Variants in BBS1 observed in about 807,000 individuals in gnomAD.
BBS1 encodes Bardet-Biedl syndrome 1, also known as BBSome complex member BBS1.
Under a neutral mutation model 73.9 loss-of-function variants are expected in BBS1, and 60 were observed. The ratio of observed to expected loss-of-function variants is 0.81; its 90% confidence interval spans 0.66 to 1.01. BBS1 has a LOEUF of 1.01. Among genes scored for constraint, BBS1 ranks in the 50% least tolerant of loss-of-function variants. The pLI is 0.00. For synonymous variants in BBS1, 283 were observed against 317.4 expected (o/e 0.89, Z 1.15); for missense variants, 718 against 770.3 (o/e 0.93, Z 0.80).
rs1337443503 is a variant in BBS1 at position 66,529,322 on chromosome 11, G to A, written c.1340-497G>A. ...TGACGGAGGCAGGACCATGAGGCTG[G>A]TTTCCGCAGCATTGAGCCTGAGGTG... is the stretch of plus-strand genomic sequence containing the variant. On this transcript the variant is annotated intron_variant, in intron 13 of 16. Coordinates refer to ENST00000318312, the MANE Select transcript of BBS1 (RefSeq NM_024649.5). 4 of 1,536,260 alleles carry A rather than the reference G, an allele frequency of 2.6e-6. No individual in the cohort carries two copies. In the South Asian group the frequency reaches 4.8e-5, roughly 18 times the overall value.
In BBS1 at chr11:66,511,343, A is replaced by G. The variant is rs1855942703; in HGVS notation, c.159+104A>G. ...AGGCCCAGCATACTCTGGAATTCAC[A>G]TATACTGTGAAAAAGCACATTTAGC... On this transcript the variant is annotated intron_variant, in intron 3 of 16. Coordinates refer to ENST00000318312, the MANE Select transcript of BBS1 (RefSeq NM_024649.5). 8 of 1,369,850 alleles carry G rather than the reference A, an allele frequency of 5.8e-6. No homozygotes were observed. In the South Asian group the frequency reaches 7.7e-5, roughly 13 times the overall value. The allele number at this position is 1,369,850 out of a possible 1,614,324, so 84.9% of individuals were successfully genotyped here. A position where few individuals can be genotyped will look rare whatever the true frequency, so the allele number is the denominator to read the frequency against.
At chr11:66,517,651 A>G (rs980979662) in intron 7 of BBS1, among the ~76,000 whole-genome samples, 1 of 151,842 alleles carries the variant, frequency 6.6e-6, no homozygotes, top group African/African-American at 2.4e-5. Context: ...TATTTTTAGT[A>G]GAGATGGTGT....
At position 66,531,979 on chromosome 11, in the gene BBS1, C is replaced by T; in HGVS notation, c.1724C>T (p.Ala575Val). Reference sequence around the variant, plus strand: ...CTGGTGCTTCGAGAAGGCCAAAGTGCACCCCTGCTGAGTGCCCACGTCAAC... The same window carrying T: ...CTGGTGCTTCGAGAAGGCCAAAGTGTACCCCTGCTGAGTGCCCACGTCAAC... Reference protein sequence around the residue: ...KVLVLREGQSAPLLSAHVNMP... With the variant: ...KVLVLREGQSVPLLSAHVNMP... Residue 575 changes from alanine to valine, a missense_variant, in exon 17 of 17, where the codon GCA becomes GTA. Coordinates refer to ENST00000318312, the MANE Select transcript of BBS1 (RefSeq NM_024649.5). The T allele has an allele frequency of 1.9e-6, 3 of 1,604,742 alleles. No individual in the cohort carries two copies. Among genetic ancestry groups the T allele is most frequent in the Non-Finnish European group, 1.7e-6 (2 of 1,176,138 alleles).
At chr11:66,527,193 T>C in intron 13 of BBS1, 1 of 575,522 alleles carries the variant, frequency 1.7e-6, no homozygotes, top group Non-Finnish European at 3.1e-6. Flanking sequence ...GGTAACATAA[T>C]GATACTTCTT....
At position 66,519,596 on chromosome 11, in the gene BBS1, A is replaced by T. The variant is rs754794374; in HGVS notation, c.592-21A>T. ...GTGGTGTGTGGAGGTTCCCTGGGTG[A>T]CCCCTGGAGTCCTTCTGTAGACAGT... On this transcript the variant is annotated intron_variant, in intron 7 of 16. Coordinates refer to ENST00000318312, the MANE Select transcript of BBS1 (RefSeq NM_024649.5). The T allele has an allele frequency of 6.2e-6, 10 of 1,612,666 alleles. No homozygotes were observed. Among genetic ancestry groups the T allele is most frequent in the Non-Finnish European group, 7.6e-6 (9 of 1,179,664 alleles).
intron 3 of BBS1, 81 bp from the exon 4 acceptor site, chr11:66,514,325 G>A (rs1565281422): frequency 6.4e-7 from 1 of 1,550,736 alleles, no homozygotes. Flanking sequence ...GAATGAATGT[G>A]CACCAGCAAT....
rs746283173 is a variant in BBS1 at position 66,531,645 on chromosome 11, C to T, written c.1609-11C>T. 4 of 1,614,058 alleles carry T rather than the reference C, an allele frequency of 2.5e-6. No individual in the cohort carries two copies. The highest frequency in any genetic ancestry group is 3.4e-6 in the Non-Finnish European group (4 of 1,179,998). On this transcript the variant is annotated splice_polypyrimidine_tract_variant and intron_variant, in intron 15 of 16. Coordinates refer to ENST00000318312, the MANE Select transcript of BBS1 (RefSeq NM_024649.5). ...GGGCTGGTTTCCTTACTTCTTTGTC[C>T]CCAAACTTAGGTACCCTTGCTGGTG... is the stretch of plus-strand genomic sequence containing the variant.
At chr11:66,528,732 G>C (rs1345876477) in intron 13 of BBS1, among the ~76,000 whole-genome samples, 2 of 152,112 alleles carry the variant, frequency 1.3e-5, no homozygotes, top group African/African-American at 4.8e-5. Flanking sequence ...ACTTTGGGAG[G>C]CCGAGGTGGG....
chr11:66,527,879 A>G (rs1035821349), intron 13 of BBS1, among the ~76,000 whole-genome samples: 2 of 151,920 alleles, frequency 1.3e-5, no homozygotes, highest in Non-Finnish European at 2.9e-5. Flanking sequence ...TGATAGCCAG[A>G]CCCCCAGACA....
Position 66,531,755 on chromosome 11 carries a change from C to G in BBS1, c.1695+13C>G, listed in dbSNP as rs200267036. The G allele has an allele frequency of 1.2e-6, 2 of 1,613,710 alleles. No homozygotes were observed. Among genetic ancestry groups the G allele is most frequent in the Non-Finnish European group, 1.7e-6 (2 of 1,179,960 alleles). ...AGACATCATCAAGGTAGGCCCCGCA[C>G]TTGTACCACGTGGAAGGTGAGCAGG... On this transcript the variant is annotated intron_variant, in intron 16 of 16. Transcript: ENST00000318312.
At chr11:66,522,326 A>G (rs1856277584) in intron 9 of BBS1, among the ~76,000 whole-genome samples, 1 of 151,606 alleles carries the variant, frequency 6.6e-6, no homozygotes, top group Non-Finnish European at 1.5e-5. Context: ...TTAATATTCC[A>G]TATAAAATGC....
In BBS1 at chr11:66,511,216, TTACATGGGGATGGGGAATACAAGG is replaced by T; in HGVS notation, c.139_159+3del. 1 of 1,613,970 alleles carries T rather than the reference TTACATGGGGATGGGGAATACAAGG, an allele frequency of 6.2e-7. No individual in the cohort carries two copies. The highest frequency in any genetic ancestry group is 8.5e-7 in the Non-Finnish European group (1 of 1,179,992). ...CTTTTGTTTTCCAGCGCTGGCAGAT[TTACATGGGGATGGGGAATACAAGG>T]TAAGCATATCACCCTAGCCAGGAGA... On this transcript the variant is annotated splice_donor_variant and coding_sequence_variant, in exon 3 of 17. Transcript: ENST00000318312. LOFTEE classifies it high-confidence loss of function.
intron 9 of BBS1, chr11:66,523,217 A>G: frequency 1.6e-6 from 1 of 644,318 alleles, no homozygotes; most frequent in Admixed American, 2.1e-5. Flanking sequence ...AAGACAAGAC[A>G]CCATAGTGAA....
chr11:66,529,706 A>G (rs1449560911), intron 13 of BBS1, 113 bp from the exon 14 acceptor site: 19 of 1,353,982 alleles, frequency 1.4e-5, no homozygotes, highest in Non-Finnish European at 1.8e-5. Context: ...CTCCTCCTGC[A>G]GCACCCTCCT....
chr11:66,521,322 T>C lies in BBS1; in HGVS notation c.776T>C (p.Val259Ala), dbSNP rs1368997318. ...CTAGAGGTTTCTGGCCAGTTTGATG[T>C]TGAGTTCCGGCTTGCCGCGGCCTGC... is the stretch of plus-strand genomic sequence containing the variant. The part of the protein sequence containing the change: ...VFLEVSGQFD[V>A]EFRLAAACRN... The change falls in exon 9 of 17, where the codon GTT (valine) becomes GCT (alanine). Residue 259 changes from valine to alanine, a missense_variant. By Grantham distance (64) the Val-to-Ala change is moderately conservative. Transcript: ENST00000318312. The C allele has an allele frequency of 6.2e-7, 1 of 1,614,124 alleles. No homozygotes were observed. Among genetic ancestry groups the C allele is most frequent in the East Asian group, 2.2e-5 (1 of 44,896 alleles).
intron 13 of BBS1, among the ~76,000 whole-genome samples, chr11:66,528,651 A>G (rs1856620769): frequency 6.6e-6 from 1 of 152,126 alleles, no homozygotes; most frequent in Non-Finnish European, 1.5e-5. Flanking sequence ...CACAATCAGG[A>G]CAACTTGCTT....
At chr11:66,526,001 GATT>G (rs1266500084) in intron 11 of BBS1, 119 bp from the exon 12 acceptor site, 1 of 818,572 alleles carries the variant, frequency 1.2e-6, no homozygotes, top group Non-Finnish European at 2.1e-6. Context: ...CAGAGGCAGC[GATT>G]CCCCAGGCCT....
chr11:66,518,208 C>T (rs950921354), intron 7 of BBS1, among the ~76,000 whole-genome samples: 13 of 150,246 alleles, frequency 8.7e-5, no homozygotes, highest in African/African-American at 2.7e-4. Context: ...CCACCCACCT[C>T]GGCCTCCCAA....
intron 13 of BBS1, chr11:66,529,122 CAT>C (rs1856648072): frequency 4.1e-6 from 4 of 974,182 alleles, no homozygotes; most frequent in Non-Finnish European, 4.8e-6. Context: ...CCACTTCACA[CAT>C]AAACGGAAGA....
Sources: allele counts gnomAD v4.1 joint callset (sites outside exome capture counted in the v4.1 genomes callset), GRCh38; gene constraint gnomAD v4.1.1; transcripts MANE v1.5; gene names NCBI Gene and HGNC (gene_info 2026-07-23, HGNC 2026-07-21).